MACROD2: variants seen among roughly 807,000 people sequenced by gnomAD.
MACROD2 encodes the protein mono-ADP ribosylhydrolase 2, also known as ADP-ribose glycohydrolase MACROD2.
A neutral mutation model predicts 70.4 loss-of-function variants in MACROD2; 36 were observed. That is an observed-to-expected ratio of 0.51 (90% CI 0.39 to 0.68). MACROD2 has a LOEUF of 0.68. Ranked by LOEUF, MACROD2 falls within the 30% of genes least tolerant of loss-of-function variation. The pLI is 0.00. For synonymous variants in MACROD2, 172 were observed against 178.8 expected, an observed-to-expected ratio of 0.96 and a Z score of 0.30; for missense variants, 496 against 538.4, an observed-to-expected ratio of 0.92 and a Z score of 0.78.
chr20:14,377,491 G>A (rs1221102600), intron 3 of MACROD2, among the ~76,000 whole-genome samples: 1 of 152,162 alleles, frequency 6.6e-6, no homozygotes, highest in Admixed American at 6.5e-5. Context: ...ATGCAGACTT[G>A]AGGATTTTCC....
intron 5 of MACROD2, among the ~76,000 whole-genome samples, chr20:14,908,441 G>C (rs747832958): frequency 1.3e-5 from 2 of 152,144 alleles, no homozygotes; most frequent in Non-Finnish European, 2.9e-5. Context: ...GATCACCTGA[G>C]GCCAGGAGTT....
At chr20:15,293,690 G>C (rs2077561217) in intron 6 of MACROD2, among the ~76,000 whole-genome samples, 1 of 152,214 alleles carries the variant, frequency 6.6e-6, no homozygotes, top group Admixed American at 6.5e-5. Context: ...AGGACACCTT[G>C]TAGGCCCCAG....
At chr20:14,163,374 G>T (rs1421806106) in intron 3 of MACROD2, among the ~76,000 whole-genome samples, 2 of 151,894 alleles carry the variant, frequency 1.3e-5, no homozygotes, top group African/African-American at 4.8e-5. Flanking sequence ...TGCTGTTTTT[G>T]GAATTTTCTC....
At chr20:15,453,831 T>C (rs1290871737) in intron 7 of MACROD2, among the ~76,000 whole-genome samples, 1 of 152,174 alleles carries the variant, frequency 6.6e-6, no homozygotes, top group Admixed American at 6.6e-5. Context: ...AGAATTCTCC[T>C]TTTCTAGGGT....
intron 3 of MACROD2, among the ~76,000 whole-genome samples, chr20:14,407,722 C>A (rs2083706986): frequency 1.3e-5 from 2 of 152,120 alleles, no homozygotes; most frequent in East Asian, 1.9e-4. Flanking sequence ...TCTGGAAATG[C>A]AATTTACAAC....
At chr20:14,743,336 A>T (rs544510529) in intron 5 of MACROD2, among the ~76,000 whole-genome samples, 1 of 152,242 alleles carries the variant, frequency 6.6e-6, no homozygotes, top group Admixed American at 6.5e-5. Flanking sequence ...CCTTAAGATG[A>T]GGAGATTATC....
At chr20:15,115,269 G>C (rs1439249464) in intron 5 of MACROD2, among the ~76,000 whole-genome samples, 1 of 151,800 alleles carries the variant, frequency 6.6e-6, no homozygotes, top group African/African-American at 2.4e-5. Context: ...TCACTTTGTT[G>C]CCCAGGCTGG....
intron 8 of MACROD2, among the ~76,000 whole-genome samples, chr20:15,813,693 C>T (rs957321192): frequency 6.6e-6 from 1 of 152,120 alleles, no homozygotes; most frequent in African/African-American, 2.4e-5. Context: ...GTAGGAGGAT[C>T]ACTTGAGCCC....
intron 3 of MACROD2, among the ~76,000 whole-genome samples, chr20:14,300,823 G>A (rs1418594698): frequency 1.3e-5 from 2 of 151,776 alleles, no homozygotes; most frequent in Admixed American, 6.6e-5. Context: ...AGAGAATGGG[G>A]CAAGCAGAGG....
chr20:15,349,710 C>T (rs113877646), intron 6 of MACROD2, among the ~76,000 whole-genome samples: 5 of 148,386 alleles, frequency 3.4e-5, no homozygotes, highest in African/African-American at 1.0e-4. Flanking sequence ...GAGCTGAGAT[C>T]GCACCATTGC....
intron 8 of MACROD2, among the ~76,000 whole-genome samples, chr20:15,739,327 A>T (rs1161553959): frequency 1.3e-5 from 2 of 152,206 alleles, no homozygotes. Flanking sequence ...TGGAGCTCAC[A>T]TGAGAGATAG....
intron 5 of MACROD2, among the ~76,000 whole-genome samples, chr20:15,059,070 A>G (rs1034002994): frequency 2.0e-5 from 3 of 152,226 alleles, no homozygotes; most frequent in Admixed American, 1.3e-4. Flanking sequence ...CATCACTGCT[A>G]TATCTGTACA....
intron 4 of MACROD2, among the ~76,000 whole-genome samples, chr20:14,664,032 C>T (rs2070708616): frequency 1.3e-5 from 2 of 152,078 alleles, no homozygotes; most frequent in African/African-American, 4.8e-5. Context: ...AATTAAAGCA[C>T]TTTATCGCAT....
intron 3 of MACROD2, among the ~76,000 whole-genome samples, chr20:14,190,301 T>C (rs117019585): frequency 1.1e-3 from 167 of 152,320 alleles, no homozygotes; most frequent in Non-Finnish European, 1.7e-3. Flanking sequence ...ATTTAAATGA[T>C]AGATTTTATC....
intron 3 of MACROD2, among the ~76,000 whole-genome samples, chr20:14,167,338 T>G (rs1457590797): frequency 6.6e-6 from 1 of 152,146 alleles, no homozygotes; most frequent in Non-Finnish European, 1.5e-5. Flanking sequence ...TGTGAAGTCC[T>G]AAAATAGTCT....
At chr20:14,272,252 G>A (rs1289139794) in intron 3 of MACROD2, among the ~76,000 whole-genome samples, 3 of 151,992 alleles carry the variant, frequency 2.0e-5, no homozygotes, top group Admixed American at 6.6e-5. Flanking sequence ...GAGAAAGGTC[G>A]GGTTACCCAC....
intron 4 of MACROD2, chr20:14,554,546 A>G (rs892037164): frequency 1.3e-5 from 2 of 152,282 alleles, no homozygotes; most frequent in Admixed American, 1.3e-4. Context: ...CCAAAACAGT[A>G]GAACTTATGA....
intron 6 of MACROD2, among the ~76,000 whole-genome samples, chr20:15,348,925 C>G (rs577628796): frequency 2.2e-3 from 330 of 152,170 alleles, no homozygotes; most frequent in South Asian, 5.6e-3. Flanking sequence ...CTGGTCACAG[C>G]CCATTGTGTC....
intron 3 of MACROD2, among the ~76,000 whole-genome samples, chr20:14,270,366 C>T (rs965095584): frequency 2.0e-5 from 3 of 151,978 alleles, no homozygotes; most frequent in Admixed American, 6.6e-5. Context: ...CTGAGGTGGG[C>T]GGATCACGAG....
Sources: gnomAD v4.1 joint callset for allele counts (sites outside exome capture counted in the v4.1 genomes callset) on GRCh38, gnomAD v4.1.1 for gene constraint, MANE v1.5 for transcripts, NCBI Gene and HGNC (gene_info 2026-07-23, HGNC 2026-07-21) for gene names.